ZNF521: variants seen among roughly 807,000 people sequenced by gnomAD.
ZNF521 encodes zinc finger protein 521, also known as LYST-interacting protein 3.
In ZNF521, 14 loss-of-function variants were observed where a neutral mutation model predicts 105.5. That is an observed-to-expected ratio of 0.13 (90% CI 0.09 to 0.21). The LOEUF is 0.21. Ranked by LOEUF, ZNF521 falls within the 10% of genes least tolerant of loss-of-function variation. ZNF521 has a pLI of 1.00. For synonymous variants in ZNF521, 635 were observed against 606.0 expected, an observed-to-expected ratio of 1.05 and a Z score of -0.70; for missense variants, 1,233 against 1,629.7, an observed-to-expected ratio of 0.76 and a Z score of 4.19.
At chr18:25,151,347 C>G (rs1411145035) in intron 5 of ZNF521, among the ~76,000 whole-genome samples, 2 of 152,202 alleles carry the variant, frequency 1.3e-5, no homozygotes, top group Admixed American at 6.5e-5. Flanking sequence ...CTTTGACCCT[C>G]TTAGGCATGT....
intron 3 of ZNF521, among the ~76,000 whole-genome samples, chr18:25,308,832 T>G (rs1265417356): frequency 6.6e-6 from 1 of 152,150 alleles, no homozygotes; most frequent in African/African-American, 2.4e-5. Context: ...GCTATTCATT[T>G]CATTACTTGT....
chr18:25,254,962 A>T (rs765121661), intron 3 of ZNF521, among the ~76,000 whole-genome samples: 11 of 152,142 alleles, frequency 7.2e-5, no homozygotes, highest in Non-Finnish European at 1.3e-4. Context: ...CAGAAGTACA[A>T]ATTTGCTACA....
chr18:25,219,576 C>A (rs577568139), intron 4 of ZNF521, among the ~76,000 whole-genome samples: 1 of 152,242 alleles, frequency 6.6e-6, no homozygotes, highest in Non-Finnish European at 1.5e-5. Context: ...GTAATCCCAA[C>A]ACTTTGGGAG....
chr18:25,087,245 G>A (rs553555654), intron 7 of ZNF521, among the ~76,000 whole-genome samples: 1 of 152,230 alleles, frequency 6.6e-6, no homozygotes, highest in Admixed American at 6.5e-5. Context: ...TATACTAATC[G>A]TAGAAAAGAG....
intron 5 of ZNF521, among the ~76,000 whole-genome samples, chr18:25,160,602 TA>T (rs1398042473): frequency 1.3e-5 from 2 of 152,220 alleles, no homozygotes; most frequent in African/African-American, 4.8e-5. Flanking sequence ...GGTTTAGAAG[TA>T]AAAGTTCCAC....
intron 2 of ZNF521, among the ~76,000 whole-genome samples, chr18:25,344,233 TTA>T: frequency 6.6e-6 from 1 of 151,598 alleles, no homozygotes; most frequent in Non-Finnish European, 1.5e-5. Context: ...GCGATTCTAC[TTA>T]GTTTTCAGAG....
At chr18:25,238,572 T>C (rs1907087675) in intron 3 of ZNF521, among the ~76,000 whole-genome samples, 1 of 152,244 alleles carries the variant, frequency 6.6e-6, no homozygotes, top group Admixed American at 6.5e-5. Context: ...AAACTGGCAC[T>C]GTGGCCAGCT....
intron 2 of ZNF521, among the ~76,000 whole-genome samples, chr18:25,336,493 C>G (rs186586501): frequency 6.6e-6 from 1 of 152,136 alleles, no homozygotes; most frequent in African/African-American, 2.4e-5. Flanking sequence ...ATCCGACTTA[C>G]CAAAAAAAGA....
chr18:25,286,970 A>G (rs933412003), intron 3 of ZNF521, among the ~76,000 whole-genome samples: 1 of 152,226 alleles, frequency 6.6e-6, no homozygotes, highest in African/African-American at 2.4e-5. Flanking sequence ...CATCTTTAGA[A>G]TATCAGTGAA....
chr18:25,074,065 C>CACGCGTGTGTGCGT (rs1567949571), intron 7 of ZNF521, among the ~76,000 whole-genome samples: 1 of 117,476 alleles, frequency 8.5e-6, no homozygotes, highest in Non-Finnish European at 1.9e-5. Context: ...TGTGTGCGCA[C>CACGCGTGTGTGCGT]GCGTGTGTGC....
chr18:25,135,640 T>G (rs2034720277), intron 5 of ZNF521, among the ~76,000 whole-genome samples: 1 of 152,158 alleles, frequency 6.6e-6, no homozygotes, highest in Non-Finnish European at 1.5e-5. Flanking sequence ...ACAGCTAATT[T>G]TAACAGAGTG....
rs968560027 is a variant in ZNF521 at position 25,316,214 on chromosome 18, G to T, written c.220+5794C>A. Among the ~76,000 whole-genome samples the T allele has an allele frequency of 5.3e-5, 8 of 151,598 alleles. No homozygotes were observed. The South Asian group carries it at 1.5e-3, about 28-fold the overall frequency. ...TGGAACGGGCAGGGAGAAAGGAAAG[G>T]GGAAAATATGGACAGGGAAATTAAG... On this transcript the variant is annotated intron_variant, in intron 3 of 7. Coordinates refer to ENST00000361524, the MANE Select transcript of ZNF521 (RefSeq NM_015461.3).
chr18:25,128,918 C>T (rs1208776811), intron 5 of ZNF521, among the ~76,000 whole-genome samples: 1 of 151,912 alleles, frequency 6.6e-6, no homozygotes, highest in Non-Finnish European at 1.5e-5. Context: ...AATCTAAATT[C>T]CAGCATGTTA....
chr18:25,085,429 T>C (rs1488519398), intron 7 of ZNF521, among the ~76,000 whole-genome samples: 2 of 151,964 alleles, frequency 1.3e-5, no homozygotes, highest in African/African-American at 4.8e-5. Flanking sequence ...CTGGCCTAAA[T>C]CTTAAAGGAC....
chr18:25,337,644 T>G (rs1468890964), intron 2 of ZNF521, among the ~76,000 whole-genome samples: 3 of 152,224 alleles, frequency 2.0e-5, no homozygotes, highest in African/African-American at 7.2e-5. Flanking sequence ...AGGCACTCTC[T>G]AACCCTGCTG....
At chr18:25,230,699 C>G (rs1326292110) in intron 3 of ZNF521, among the ~76,000 whole-genome samples, 1 of 152,108 alleles carries the variant, frequency 6.6e-6, no homozygotes, top group East Asian at 1.9e-4. Flanking sequence ...TGGGTGATGG[C>G]AAGTTTTCTG....
intron 3 of ZNF521, among the ~76,000 whole-genome samples, chr18:25,286,269 G>A (rs928282172): frequency 6.6e-6 from 1 of 152,160 alleles, no homozygotes; most frequent in African/African-American, 2.4e-5. Flanking sequence ...ATTTTCAGCA[G>A]AAGAGCTTGA....
At chr18:25,248,375 T>C (rs1351864614) in intron 3 of ZNF521, among the ~76,000 whole-genome samples, 1 of 152,218 alleles carries the variant, frequency 6.6e-6, no homozygotes, top group Non-Finnish European at 1.5e-5. Context: ...TGATTCTACA[T>C]GCTAACCTGC....
At chr18:25,179,442 AGTT>A (rs1013617474) in intron 5 of ZNF521, among the ~76,000 whole-genome samples, 3 of 151,932 alleles carry the variant, frequency 2.0e-5, no homozygotes, top group Non-Finnish European at 4.4e-5. Flanking sequence ...TTTACAAACT[AGTT>A]GTTGGTGGTG....
Sources: gnomAD v4.1 joint callset for allele counts (sites outside exome capture counted in the v4.1 genomes callset) on GRCh38, gnomAD v4.1.1 for gene constraint, MANE v1.5 for transcripts, NCBI Gene and HGNC (gene_info 2026-07-23, HGNC 2026-07-21) for gene names.